The following RGS6 variants were observed in gnomAD, a reference collection of about 807,000 sequenced individuals.
RGS6 encodes regulator of G-protein signaling 6.
RGS6 carries 30 observed loss-of-function variants against 78.5 expected under a neutral mutation model. The ratio of observed to expected loss-of-function variants is 0.38; its 90% CI spans 0.29 to 0.52. The LOEUF is 0.52. RGS6 is among the 20% of genes least tolerant of loss of function. The probability of loss-of-function intolerance (pLI) is 0.85; values close to 1 mark genes in which losing one functional copy is unlikely to be tolerated. For missense variants in RGS6, 495 were observed against 609.7 expected (o/e 0.81, Z 1.98); for synonymous variants, 206 against 206.0 (o/e 1.00, Z 0.00).
chr14:72,493,551 A>T (rs2096606227), intron 12 of RGS6, among the ~76,000 whole-genome samples: 2 of 152,186 alleles, frequency 1.3e-5, no homozygotes, highest in South Asian at 4.1e-4. Context: ...GTTTAAAATT[A>T]GTGATGAATA....
the RGS6 span, among the ~76,000 whole-genome samples, chr14:71,920,628 C>T: frequency 1.4e-3 from 126 of 89,492 alleles, no homozygotes; most frequent in Admixed American, 1.6e-3. Flanking sequence ...CATGCGCACA[C>T]GCGCGTGCAC....
At chr14:71,949,086 A>G (rs1464074369) in intron 1 of RGS6, among the ~76,000 whole-genome samples, 1 of 147,734 alleles carries the variant, frequency 6.8e-6, no homozygotes, top group African/African-American at 2.4e-5. Context: ...GACATTTGGG[A>G]TATTTCTAGG....
At chr14:72,148,720 A>G (rs1452494262) in intron 2 of RGS6, among the ~76,000 whole-genome samples, 2 of 152,196 alleles carry the variant, frequency 1.3e-5, no homozygotes, top group Non-Finnish European at 2.9e-5. Context: ...AGTAGGATGA[A>G]TGGTCACACC....
intron 2 of RGS6, among the ~76,000 whole-genome samples, chr14:72,303,794 C>G (rs1002908473): frequency 1.3e-5 from 2 of 152,138 alleles, no homozygotes; most frequent in Non-Finnish European, 2.9e-5. Flanking sequence ...CCATATGCTA[C>G]TTTCATCTAA....
intron 3 of RGS6, among the ~76,000 whole-genome samples, chr14:72,403,066 C>T (rs555075094): frequency 1.3e-5 from 2 of 152,132 alleles, no homozygotes; most frequent in Admixed American, 6.5e-5. Context: ...GCTAGGATTA[C>T]AGATAAGAGC....
chr14:72,384,399 A>G (rs2087199500), intron 3 of RGS6, among the ~76,000 whole-genome samples: 1 of 152,256 alleles, frequency 6.6e-6, no homozygotes, highest in Non-Finnish European at 1.5e-5. Flanking sequence ...TATCTTTTAA[A>G]ATGAAATGTA....
intron 2 of RGS6, among the ~76,000 whole-genome samples, chr14:72,338,352 G>A (rs1010756423): frequency 3.9e-5 from 6 of 152,188 alleles, no homozygotes; most frequent in African/African-American, 1.4e-4. Context: ...GAGAAAATGA[G>A]AGCCAAGAGA....
At chr14:72,045,908 C>G (rs1430113480) in intron 2 of RGS6, among the ~76,000 whole-genome samples, 1 of 152,022 alleles carries the variant, frequency 6.6e-6, no homozygotes, top group Non-Finnish European at 1.5e-5. Context: ...TCCCCCCACG[C>G]CCCCGCACCC....
At position 72,038,429 on chromosome 14, in the gene RGS6, A is replaced by T. The variant is rs566453857; in HGVS notation, c.84+73554A>T. On this transcript the variant is annotated intron_variant, in intron 2 of 17. Transcript: ENST00000553525. ...GAATCACCTTAGTTCTACCTACAAA[A>T]ATCTTGTTGGGATTTTGATTAGGTT... Among the ~76,000 whole-genome samples the T allele has an allele frequency of 1.6e-4, 24 of 152,248 alleles. No individual in the cohort carries two copies. The South Asian group carries it at 5.0e-3, about 32-fold the overall frequency.
At chr14:72,290,589 T>C (rs1403131650) in intron 2 of RGS6, among the ~76,000 whole-genome samples, 1 of 152,182 alleles carries the variant, frequency 6.6e-6, no homozygotes, top group Non-Finnish European at 1.5e-5. Context: ...CTTCTTCTAG[T>C]TGACACTTTT....
At chr14:72,345,430 A>G (rs923590846) in intron 2 of RGS6, among the ~76,000 whole-genome samples, 1 of 152,222 alleles carries the variant, frequency 6.6e-6, no homozygotes, top group African/African-American at 2.4e-5. Context: ...ATTAATAGGC[A>G]TTTTGATCAT....
chr14:72,371,697 G>T (rs529136944), intron 3 of RGS6, among the ~76,000 whole-genome samples: 2 of 152,280 alleles, frequency 1.3e-5, no homozygotes, highest in African/African-American at 4.8e-5. Context: ...GGAGGCAGAG[G>T]TTGCAGTGAG....
chr14:72,477,198 T>G (rs1184441580), intron 11 of RGS6: 1 of 196,096 alleles, frequency 5.1e-6, no homozygotes, highest in East Asian at 1.5e-4. Context: ...CAGGATGGTC[T>G]ACTTTATTGC....
intron 2 of RGS6, among the ~76,000 whole-genome samples, chr14:72,336,778 C>G (rs773142740): frequency 2.0e-5 from 3 of 151,988 alleles, no homozygotes; most frequent in Non-Finnish European, 4.4e-5. Flanking sequence ...AGTCTACGAT[C>G]AAGACAGGGT....
At chr14:72,568,578 G>T (rs1017676422), downstream of RGS6, among the ~76,000 whole-genome samples, 9 of 152,182 alleles carry the variant, frequency 5.9e-5, no homozygotes, top group Non-Finnish European at 1.3e-4. Context: ...TGTGTCACTT[G>T]GGTGGCCTCC....
chr14:72,097,648 G>GGGCTGCACC (rs1416722892), intron 2 of RGS6, among the ~76,000 whole-genome samples: 3 of 152,140 alleles, frequency 2.0e-5, no homozygotes, highest in Non-Finnish European at 4.4e-5. Context: ...CTTGGGCTGT[G>GGGCTGCACC]TTGCTGCTGC....
chr14:72,293,924 G>A (rs1241319222), intron 2 of RGS6, among the ~76,000 whole-genome samples: 1 of 152,174 alleles, frequency 6.6e-6, no homozygotes, highest in Non-Finnish European at 1.5e-5. Context: ...AACGGGACAG[G>A]CTGAATTTGG....
Position 72,544,795 on chromosome 14 carries a change from G to C in RGS6, c.1422+4701G>C, listed in dbSNP as rs904168676. ...CCTTCCCCTGCCAAAAGCCAAGGAA[G>C]AGCTAATGAGAGCCAAGAAGTCAAC... On this transcript the variant is annotated intron_variant, in intron 17 of 17. Coordinates refer to ENST00000553525, the MANE Select transcript of RGS6 (RefSeq NM_001204424.2). 3.5e-4 allele frequency among the ~76,000 whole-genome samples: 54 copies of C among 152,278 alleles called. 1 individual carries two copies. The highest frequency in any genetic ancestry group is 3.9e-4 in the Admixed American group (6 of 15,302).
intron 2 of RGS6, among the ~76,000 whole-genome samples, chr14:72,138,833 CCAGATGGGACTGTCTA>C (rs959902027): frequency 5.3e-5 from 8 of 152,180 alleles, no homozygotes; most frequent in African/African-American, 7.2e-5. Context: ...CCCATCACCC[CCAGATGGGACTGTCTA>C]CAGATGGGAC....
Sources: allele counts gnomAD v4.1 joint callset (sites outside exome capture counted in the v4.1 genomes callset), GRCh38; gene constraint gnomAD v4.1.1; transcripts MANE v1.5; gene names NCBI Gene and HGNC (gene_info 2026-07-23, HGNC 2026-07-21).